The following PPP1R27 variants were observed in gnomAD, a reference collection of about 807,000 sequenced individuals.
The protein encoded by PPP1R27 is protein phosphatase 1 regulatory subunit 27.
PPP1R27 carries 10 observed loss-of-function variants against 12.0 expected under a neutral mutation model. The ratio of observed to expected loss-of-function variants is 0.84; its 90% confidence interval spans 0.52 to 1.42. The LOEUF is 1.42. Ranked by LOEUF, PPP1R27 falls within the 40% of genes most tolerant of loss-of-function variation. The pLI is 0.00. For missense variants in PPP1R27, 246 were observed against 215.3 expected (o/e 1.14, Z -0.89); for synonymous variants, 98 against 89.3 (o/e 1.10, Z -0.55).
Position 81,833,594 on chromosome 17 carries a change from G to A in PPP1R27, c.*135C>T. The A allele has an allele frequency of 2.3e-6, 2 of 862,508 alleles. No homozygotes were observed. The highest frequency in any genetic ancestry group is 3.6e-5 in the South Asian group (2 of 56,202). The allele number at this position is 862,508 out of a possible 1,614,324, so 53.4% of individuals were successfully genotyped here. A position where few individuals can be genotyped will look rare whatever the true frequency, so the allele number is the denominator to read the frequency against. On this transcript the variant is annotated 3_prime_UTR_variant, in exon 3 of 3. Transcript: ENST00000330261. The stretch of plus-strand genomic sequence containing the variant: ...CACCTGGGGACAAAGCCAGGCCTAG[G>A]AGGGGTGGCGGGGTCGTGGAGGGAC...
rs142021608 is a variant in PPP1R27, at chr17:81,833,988, A to G, written c.342-136T>C. ...GGGGTCCTAAGGTCCGGGTAGGGTG[A>G]GGAGGAAGAAACCTGACCCTTTGGA... On this transcript the variant is annotated intron_variant, in intron 2 of 2. Transcript: ENST00000330261. 1.0e-3 allele frequency: 1,031 copies of G among 1,008,658 alleles called. 7 individuals carry two copies. The African/African-American group carries it at 0.015, about 15-fold the overall frequency. 62.5% of individuals were successfully genotyped at this position (1,008,658 alleles called of 1,614,324 possible). A position where few individuals can be genotyped will look rare whatever the true frequency, so the allele number is the denominator to read the frequency against.
At position 81,833,715 on chromosome 17, in the gene PPP1R27, C is replaced by T. The variant is rs773171699; in HGVS notation, c.*14G>A. On this transcript the variant is annotated 3_prime_UTR_variant, in exon 3 of 3. Coordinates refer to ENST00000330261, the MANE Select transcript of PPP1R27 (RefSeq NM_001007533.4). Reference sequence around the variant, plus strand: ...AGGCGGCCCTGGGCGCGGGGGCGGGCGGGCAAAGCTGGCTCAGTCCATCGT... The same window carrying T: ...AGGCGGCCCTGGGCGCGGGGGCGGGTGGGCAAAGCTGGCTCAGTCCATCGT... 5.0e-5 allele frequency: 77 copies of T among 1,545,478 alleles called. No homozygotes were observed. In the South Asian group the frequency reaches 8.1e-4, roughly 16 times the overall value.
rs1461694474 is a variant in PPP1R27, at chr17:81,834,772, T to G, written c.182A>C (p.His61Pro). The stretch of plus-strand genomic sequence containing the variant: ...TTCCAGGCTTTGCTCACCTGAGGGG[T>G]GGATGGTGGCCAGGGAGACTTTCCG... ...RTRKVSLATI[H>P]PSGLAALHEA... Residue 61 changes from histidine (H) to proline (P), a missense_variant, in exon 1 of 3, where the codon CAC becomes CCC. His to Pro is a moderately conservative substitution (Grantham distance 77). Transcript: ENST00000330261. The G allele has an allele frequency of 6.2e-7, 1 of 1,612,028 alleles. No individual in the cohort carries two copies. The highest frequency in any genetic ancestry group is 1.7e-5 in the Admixed American group (1 of 59,914).
In PPP1R27 at chr17:81,833,695, G is replaced by T. The variant is rs1026926145; in HGVS notation, c.*34C>A. The T allele has an allele frequency of 2.9e-5, 45 of 1,540,042 alleles. No individual in the cohort carries two copies. In the Admixed American group the frequency reaches 8.9e-4, roughly 30 times the overall value. ...GACGCGCGGCTTCTCCAGGGAGGCG[G>T]CCCTGGGCGCGGGGGCGGGCGGGCA... On this transcript the variant is annotated 3_prime_UTR_variant, in exon 3 of 3. Transcript: ENST00000330261.
chr17:81,834,637 AT>A lies in PPP1R27; in HGVS notation c.206del (p.His69LeufsTer12), dbSNP rs1218730073. 6.2e-7 allele frequency: 1 copy of A among 1,613,998 alleles called. No homozygotes were observed. The highest frequency in any genetic ancestry group is 8.5e-7 in the Non-Finnish European group (1 of 1,180,014). On this transcript the variant is annotated frameshift_variant, in exon 2 of 3. Transcript: ENST00000330261. LOFTEE classifies it high-confidence loss of function. ...CCAGGTTTCCAGAGAGCACGGCTTCATGCAAGGCGGCCAGGCCTGGGCAGGG... is the reference window on the plus strand; with the variant it reads ...CCAGGTTTCCAGAGAGCACGGCTTCAGCAAGGCGGCCAGGCCTGGGCAGGG... ...TIHPSGLAAL[H>X]EAVLSGNLEC... is the part of the protein sequence containing the mutation.
intron 2 of PPP1R27, chr17:81,834,204 A>G (rs1041234385): frequency 1.3e-5 from 6 of 462,118 alleles, no homozygotes; most frequent in East Asian, 7.4e-5. Flanking sequence ...CCCGGGTTCA[A>G]GTGATTCTCC....
rs2038571551 is a variant in PPP1R27 at position 81,833,624 on chromosome 17, C to G, written c.*105G>C. The G allele has an allele frequency of 7.8e-6, 10 of 1,288,452 alleles. No homozygotes were observed. The East Asian group carries it at 2.6e-4, about 33-fold the overall frequency. 79.8% of individuals were successfully genotyped at this position (1,288,452 alleles called of 1,614,324 possible). On this transcript the variant is annotated 3_prime_UTR_variant, in exon 3 of 3. Transcript: ENST00000330261. ...GTGGCGGGGTCGTGGAGGGACGGGT[C>G]CGGCCGCCCCTGGCCCACGGGTGGG...
rs1218120750 is a variant in PPP1R27 at position 81,834,637 on chromosome 17, A to AT, written c.206dup (p.His69GlnfsTer2). On this transcript the variant is annotated frameshift_variant, in exon 2 of 3. Coordinates refer to ENST00000330261, the MANE Select transcript of PPP1R27 (RefSeq NM_001007533.4). LOFTEE classifies it high-confidence loss of function. ...CCAGGTTTCCAGAGAGCACGGCTTC[A>AT]TGCAAGGCGGCCAGGCCTGGGCAGG... is the stretch of plus-strand genomic sequence containing the variant. The AT allele has an allele frequency of 6.2e-7, 1 of 1,614,116 alleles. No individual in the cohort carries two copies. The highest frequency in any genetic ancestry group is 8.5e-7 in the Non-Finnish European group (1 of 1,180,006).
chr17:81,834,149 G>A (rs2038581089), intron 2 of PPP1R27: 1 of 465,016 alleles, frequency 2.2e-6, no homozygotes, highest in East Asian at 3.7e-5. Context: ...TATCACCCAG[G>A]CTGGAGTGCA....
At position 81,834,614 on chromosome 17, in the gene PPP1R27, A is replaced by G. The variant is rs2038589756; in HGVS notation, c.230T>C (p.Leu77Pro). The change falls in exon 2 of 3, where the codon CTG (leucine) becomes CCG (proline). Residue 77 changes from leucine to proline, a missense_variant. By Grantham distance (98) the Leu-to-Pro change is moderately conservative. Coordinates refer to ENST00000330261, the MANE Select transcript of PPP1R27 (RefSeq NM_001007533.4). ...TTTGACCAGCAGCTTCACGCATTCC[A>G]GGTTTCCAGAGAGCACGGCTTCATG... The part of the protein sequence containing the change: ...ALHEAVLSGN[L>P]ECVKLLVKYG... 3 of 1,614,170 alleles carry G rather than the reference A, an allele frequency of 1.9e-6. No individual in the cohort carries two copies. The highest frequency in any genetic ancestry group is 2.5e-6 in the Non-Finnish European group (3 of 1,180,022).
chr17:81,833,622 G>A lies in PPP1R27; in HGVS notation c.*107C>T, dbSNP rs2038571482. On this transcript the variant is annotated 3_prime_UTR_variant, in exon 3 of 3. Coordinates refer to ENST00000330261, the MANE Select transcript of PPP1R27 (RefSeq NM_001007533.4). ...GGGTGGCGGGGTCGTGGAGGGACGG[G>A]TCCGGCCGCCCCTGGCCCACGGGTG... 2 of 1,258,886 alleles carry A rather than the reference G, an allele frequency of 1.6e-6. No homozygotes were observed. Among genetic ancestry groups the A allele is most frequent in the Non-Finnish European group, 2.1e-6 (2 of 936,108 alleles). The allele number at this position is 1,258,886 out of a possible 1,614,324, so 78.0% of individuals were successfully genotyped here. A position where few individuals can be genotyped will look rare whatever the true frequency, so the allele number is the denominator to read the frequency against.
chr17:81,834,202 C>G, intron 2 of PPP1R27: 2 of 463,152 alleles, frequency 4.3e-6, no homozygotes, highest in East Asian at 3.7e-5. Context: ...TTCCCGGGTT[C>G]AAGTGATTCT....
At chr17:81,834,196 C>T (rs1226364288) in intron 2 of PPP1R27, 7 of 456,004 alleles carry the variant, frequency 1.5e-5, no homozygotes, top group African/African-American at 5.9e-5. Flanking sequence ...CTCCACTTCC[C>T]GGGTTCAAGT....
intron 2 of PPP1R27, 68 bp from the exon 3 acceptor site, chr17:81,833,920 C>A: frequency 6.5e-7 from 1 of 1,538,858 alleles, no homozygotes; most frequent in South Asian, 1.2e-5. Context: ...CAACCCGGGT[C>A]AGAGGGCCAG....
chr17:81,833,701 G>C lies in PPP1R27; in HGVS notation c.*28C>G. 6.5e-7 allele frequency: 1 copy of C among 1,542,698 alleles called. No homozygotes were observed. The highest frequency in any genetic ancestry group is 8.7e-7 in the Non-Finnish European group (1 of 1,145,538). ...CGGCTTCTCCAGGGAGGCGGCCCTG[G>C]GCGCGGGGGCGGGCGGGCAAAGCTG... is the stretch of plus-strand genomic sequence containing the variant. On this transcript the variant is annotated 3_prime_UTR_variant, in exon 3 of 3. Transcript: ENST00000330261.
intron 2 of PPP1R27, 144 bp downstream of exon 2, chr17:81,834,359 C>T: frequency 1.2e-6 from 1 of 862,430 alleles, no homozygotes; most frequent in Non-Finnish European, 1.7e-6. Context: ...GCTGGGATTA[C>T]AGGCGCAGGC....
In PPP1R27 at chr17:81,833,844, A is replaced by G. The variant is rs776642308; in HGVS notation, c.350T>C (p.Ile117Thr). 3.4e-5 allele frequency: 54 copies of G among 1,593,988 alleles called. No homozygotes were observed. Among genetic ancestry groups the G allele is most frequent in the Middle Eastern group, 1.7e-4 (1 of 5,818 alleles). The change falls in exon 3 of 3, where the codon ATC becomes ACC. Residue 117 changes from isoleucine (I) to threonine (T), a missense_variant. Coordinates refer to ENST00000330261, the MANE Select transcript of PPP1R27 (RefSeq NM_001007533.4). The part of the protein sequence containing the change: ...DGYPDIARYL[I>T]SLGADRDATN... Reference sequence around the variant, plus strand: ...TGCATCCCTGTCCGCTCCCAGGGAGATAAGGTACCTGGGGTGTAAAGGTCG... The same window carrying G: ...TGCATCCCTGTCCGCTCCCAGGGAGGTAAGGTACCTGGGGTGTAAAGGTCG...
chr17:81,834,705 C>G (rs2038591354), intron 1 of PPP1R27, 52 bp from the exon 2 acceptor site: 1 of 1,610,440 alleles, frequency 6.2e-7, no homozygotes, highest in South Asian at 1.1e-5. Flanking sequence ...TCAGGTCCTC[C>G]TTGCTGGCCT....
chr17:81,834,463 G>C (rs2038585734), intron 2 of PPP1R27, 40 bp downstream of exon 2: 4 of 1,602,152 alleles, frequency 2.5e-6, no homozygotes, highest in Admixed American at 1.7e-5. Context: ...AGGCCCGGAG[G>C]GGTCGGGTTC....
Sources: gnomAD v4.1 joint callset for allele counts on GRCh38, gnomAD v4.1.1 for gene constraint, MANE v1.5 for transcripts, NCBI Gene and HGNC (gene_info 2026-07-23, HGNC 2026-07-21) for gene names.